DRC5: variants seen among roughly 807,000 people sequenced by gnomAD.
DRC5 encodes dynein regulatory complex subunit 5.
At chr6:44,290,461 C>T in the DRC5 span, among the ~76,000 whole-genome samples, 3 of 152,160 alleles carry the variant, frequency 2.0e-5, no homozygotes, top group Non-Finnish European at 4.4e-5. Context: ...AGGAGACCTG[C>T]TTCTTGAGTG....
the DRC5 span, chr6:44,287,710 T>C: frequency 5.0e-6 from 8 of 1,614,044 alleles, no homozygotes; most frequent in East Asian, 1.8e-4. Flanking sequence ...GATTGAAGGC[T>C]TTGAGAGCTG....
chr6:44,290,840 T>C, the DRC5 span, among the ~76,000 whole-genome samples: 3 of 149,424 alleles, frequency 2.0e-5, no homozygotes, highest in African/African-American at 4.9e-5. Flanking sequence ...CCCTTCTCCT[T>C]CTTCTCCTGG....
At chr6:44,282,214 C>T in the DRC5 span, 30 of 1,614,146 alleles carry the variant, frequency 1.9e-5, no homozygotes, top group East Asian at 1.1e-4. Context: ...TCATTGCCAC[C>T]GAGGTGCAGC....
the DRC5 span, among the ~76,000 whole-genome samples, chr6:44,294,008 G>A: frequency 6.6e-6 from 1 of 150,520 alleles, no homozygotes; most frequent in African/African-American, 2.4e-5. Context: ...TTGAGACAGA[G>A]TTTCGCTCTT....
chr6:44,282,101 G>T, the DRC5 span: 1 of 1,606,980 alleles, frequency 6.2e-7, no homozygotes, highest in Non-Finnish European at 8.5e-7. Flanking sequence ...CCCAGAATAG[G>T]TGGCTCACCA....
the DRC5 span, chr6:44,282,560 C>T: frequency 6.3e-7 from 1 of 1,581,602 alleles, no homozygotes; most frequent in Non-Finnish European, 8.6e-7. Context: ...GCTTGAAGAT[C>T]TGTGGGCAGG....
chr6:44,279,748 G>GGTGTGTGTGTGTGTGTGTGTGTGT, the DRC5 span: 15 of 135,380 alleles, frequency 1.1e-4, no homozygotes, highest in African/African-American at 1.4e-4. Flanking sequence ...GTAGCCAGAG[G>GGTGTGTGTGTGTGTGTGTGTGTGT]GTGTGTGTGT....
chr6:44,282,056 C>T, the DRC5 span: 10 of 1,524,474 alleles, frequency 6.6e-6, no homozygotes, highest in Non-Finnish European at 9.0e-6. Flanking sequence ...CCACAAGTAC[C>T]CCTGGCAGTT....
chr6:44,282,535 C>T, the DRC5 span: 1 of 1,595,178 alleles, frequency 6.3e-7, no homozygotes, highest in Non-Finnish European at 8.5e-7. Flanking sequence ...TCATCATCCA[C>T]CTTGCTTCGG....
At chr6:44,279,793 G>T in the DRC5 span, 2 of 177,690 alleles carry the variant, frequency 1.1e-5, no homozygotes, top group Non-Finnish European at 2.3e-5. Flanking sequence ...GTGTGTGTGT[G>T]TGTTTGAAGA....
At chr6:44,280,479 A>G in the DRC5 span, 1 of 941,854 alleles carries the variant, frequency 1.1e-6, no homozygotes, top group Non-Finnish European at 1.6e-6. Context: ...GATGTGACTA[A>G]AACAAAAGTT....
the DRC5 span, chr6:44,282,116 G>A: frequency 2.5e-6 from 4 of 1,610,576 alleles, no homozygotes; most frequent in Middle Eastern, 1.7e-4. Context: ...TCACCAGCCC[G>A]ATGTGGTTGC....
At chr6:44,286,587 C>T in the DRC5 span, 1 of 1,498,356 alleles carries the variant, frequency 6.7e-7, no homozygotes, top group Non-Finnish European at 9.0e-7. Context: ...GACACCTCAA[C>T]ATGATGCCTC....
At chr6:44,288,854 C>A in the DRC5 span, among the ~76,000 whole-genome samples, 1 of 151,646 alleles carries the variant, frequency 6.6e-6, no homozygotes, top group Admixed American at 6.6e-5. Flanking sequence ...ATTAGCTGGG[C>A]AGGGTGGCAG....
the DRC5 span, among the ~76,000 whole-genome samples, chr6:44,291,036 C>T: frequency 1.4e-4 from 21 of 152,306 alleles, no homozygotes; most frequent in African/African-American, 4.6e-4. Flanking sequence ...CAGGACCCAT[C>T]GGGGCATGTT....
At chr6:44,285,408 G>A in the DRC5 span, among the ~76,000 whole-genome samples, 4 of 152,116 alleles carry the variant, frequency 2.6e-5, no homozygotes, top group African/African-American at 9.7e-5. Flanking sequence ...AAAATTTTTG[G>A]AGACAGGGTC....
the DRC5 span, chr6:44,280,167 C>T: frequency 6.2e-7 from 1 of 1,609,808 alleles, no homozygotes; most frequent in Non-Finnish European, 8.5e-7. Flanking sequence ...GGCCATGATC[C>T]AAGTCAGGTC....
At chr6:44,295,553 G>A in the DRC5 span, among the ~76,000 whole-genome samples, 1 of 152,186 alleles carries the variant, frequency 6.6e-6, no homozygotes, top group South Asian at 2.1e-4. Context: ...CCATGCCCAA[G>A]CACAGGTAAT....
the DRC5 span, chr6:44,282,674 G>A: frequency 8.6e-6 from 7 of 814,244 alleles, no homozygotes; most frequent in South Asian, 1.2e-4. Flanking sequence ...GGGTCTTGGA[G>A]GGGGCCAGGC....
Sources: gnomAD v4.1 joint callset for allele counts (sites outside exome capture counted in the v4.1 genomes callset) on GRCh38, gnomAD v4.1.1 for gene constraint, MANE v1.5 for transcripts, NCBI Gene and HGNC (gene_info 2026-07-23, HGNC 2026-07-21) for gene names.